The following ALK variants were observed in gnomAD, a reference collection of about 807,000 sequenced individuals.
ALK encodes the protein ALK tyrosine kinase receptor.
ALK carries 74 observed loss-of-function variants against 163.1 expected under a neutral mutation model. The ratio of observed to expected loss-of-function variants is 0.45; its 90% CI spans 0.38 to 0.55. The LOEUF (loss-of-function observed/expected upper bound fraction) is 0.55, where lower values mean the gene tolerates loss of function less well. Ranked by LOEUF, ALK falls within the 20% of genes least tolerant of loss-of-function variation. ALK has a pLI of 0.00. For synonymous variants in ALK, 960 were observed against 843.2 expected (o/e 1.14, Z -2.40); for missense variants, 2,063 against 2,105.3 (o/e 0.98, Z 0.39).
At chr2:29,633,689 A>G (rs1034736591) in intron 3 of ALK, among the ~76,000 whole-genome samples, 1 of 152,070 alleles carries the variant, frequency 6.6e-6, no homozygotes, top group Non-Finnish European at 1.5e-5. Context: ...TGACAAAGGA[A>G]AAAAAGAGAA....
At chr2:29,899,335 C>T (rs1431985893) in intron 1 of ALK, among the ~76,000 whole-genome samples, 4 of 152,198 alleles carry the variant, frequency 2.6e-5, no homozygotes, top group Non-Finnish European at 5.9e-5. Flanking sequence ...AGACCCTTGC[C>T]CCTTTTTTGC....
chr2:29,820,650 A>T (rs1401796891), intron 1 of ALK, among the ~76,000 whole-genome samples: 2 of 152,240 alleles, frequency 1.3e-5, no homozygotes, highest in African/African-American at 4.8e-5. Flanking sequence ...ATGAAGATTC[A>T]TGAGATTCTT....
rs983172885 is a variant in ALK at position 29,210,097 on chromosome 2, A to G, written c.3744-219T>C. ...GGAAAAGGATTAGGGGAAATGATTAAAAATGTTTAATGGGGCAACCATAAT... is the reference window on the plus strand; with the variant it reads ...GGAAAAGGATTAGGGGAAATGATTAGAAATGTTTAATGGGGCAACCATAAT... On this transcript the variant is annotated intron_variant, in intron 24 of 28. Coordinates refer to ENST00000389048, the MANE Select transcript of ALK (RefSeq NM_004304.5). 2.0e-5 allele frequency among the ~76,000 whole-genome samples: 3 copies of G among 152,222 alleles called. No individual in the cohort carries two copies. In the South Asian group the frequency reaches 6.2e-4, roughly 32 times the overall value.
rs2148215141 is a variant in ALK at position 29,275,195 on chromosome 2, C to A, written c.1945G>T (p.Ala649Ser). 1 of 1,614,170 alleles carries A rather than the reference C, an allele frequency of 6.2e-7. No individual in the cohort carries two copies. Among genetic ancestry groups the A allele is most frequent in the Non-Finnish European group, 8.5e-7 (1 of 1,180,036 alleles). ...SGEDKILQNTAPKSRNLFERN... is the reference protein window; with the variant it reads ...SGEDKILQNTSPKSRNLFERN... ...TCAAACAGGTTTCTTGATTTGGGTG[C>A]TGTATTCTGCAGGATCTTGTCCTCT... Residue 649 changes from alanine to serine, a missense_variant, in exon 11 of 29, where the codon GCA becomes TCA. This residue lies in a region of ALK where 987 missense variants were observed against 939.5 expected (regional missense o/e 1.05). Transcript: ENST00000389048.
intron 1 of ALK, among the ~76,000 whole-genome samples, chr2:29,771,750 G>A (rs973812507): frequency 1.3e-5 from 2 of 152,038 alleles, no homozygotes; most frequent in Non-Finnish European, 2.9e-5. Flanking sequence ...TAGCCAGGAT[G>A]GTCTCGATTG....
intron 12 of ALK, among the ~76,000 whole-genome samples, chr2:29,247,287 G>T (rs1415934105): frequency 6.6e-6 from 1 of 152,216 alleles, no homozygotes; most frequent in Non-Finnish European, 1.5e-5. Context: ...CTGGGGCAGG[G>T]CTGGATCTTC....
chr2:29,817,666 C>T (rs966204910), intron 1 of ALK, among the ~76,000 whole-genome samples: 4 of 152,186 alleles, frequency 2.6e-5, no homozygotes, highest in Admixed American at 6.5e-5. Flanking sequence ...ACCCGCCCTC[C>T]GTCCCTCCCT....
intron 3 of ALK, among the ~76,000 whole-genome samples, chr2:29,544,391 G>C (rs1209828275): frequency 6.6e-6 from 1 of 152,144 alleles, no homozygotes. Context: ...GCCTTGATAT[G>C]CCAATAAGAG....
intron 1 of ALK, among the ~76,000 whole-genome samples, chr2:29,838,607 C>A (rs1003032937): frequency 4.6e-5 from 7 of 152,090 alleles, no homozygotes; most frequent in Admixed American, 3.9e-4. Flanking sequence ...AACCACTGAT[C>A]GAGTCAACAA....
intron 23 of ALK, among the ~76,000 whole-genome samples, chr2:29,219,850 A>G (rs1669753874): frequency 6.6e-6 from 1 of 152,162 alleles, no homozygotes; most frequent in Admixed American, 6.5e-5. Context: ...GGGTATCTTC[A>G]CTTCCCAAGC....
At chr2:29,274,487 G>C (rs1442310698) in intron 11 of ALK, among the ~76,000 whole-genome samples, 2 of 152,238 alleles carry the variant, frequency 1.3e-5, no homozygotes, top group African/African-American at 2.4e-5. Context: ...TGCGGGGCTA[G>C]GTTCACAGCC....
At chr2:29,732,929 G>A (rs1386840166) in intron 1 of ALK, among the ~76,000 whole-genome samples, 1 of 151,052 alleles carries the variant, frequency 6.6e-6, no homozygotes, top group African/African-American at 2.4e-5. Context: ...AGCCTGAATA[G>A]ACTAAGGGAG....
chr2:29,911,669 C>T (rs945141772), intron 1 of ALK, among the ~76,000 whole-genome samples: 1 of 152,150 alleles, frequency 6.6e-6, no homozygotes, highest in African/African-American at 2.4e-5. Flanking sequence ...ATAACAAAGG[C>T]TTTGAGAACA....
intron 19 of ALK, chr2:29,224,482 A>T (rs1164806772): frequency 1.7e-5 from 4 of 228,814 alleles, no homozygotes; most frequent in Non-Finnish European, 3.5e-5. Flanking sequence ...AATGTGAGTG[A>T]CCATTATCAC....
chr2:29,679,973 A>C (rs1378954711), intron 3 of ALK, among the ~76,000 whole-genome samples: 1 of 151,990 alleles, frequency 6.6e-6, no homozygotes, highest in Non-Finnish European at 1.5e-5. Flanking sequence ...AAACTTGTTG[A>C]CATTTTTTCT....
At chr2:29,314,546 C>G (rs1191136375) in intron 8 of ALK, among the ~76,000 whole-genome samples, 1 of 152,102 alleles carries the variant, frequency 6.6e-6, no homozygotes, top group East Asian at 1.9e-4. Context: ...GCAACTGCAG[C>G]TCTGGCCAGG....
intron 1 of ALK, among the ~76,000 whole-genome samples, chr2:29,866,657 G>A (rs999949540): frequency 6.6e-6 from 1 of 152,228 alleles, no homozygotes; most frequent in East Asian, 1.9e-4. Flanking sequence ...GAGACTGGCA[G>A]TGACTGATGA....
At chr2:29,469,370 T>C (rs747256252) in intron 4 of ALK, among the ~76,000 whole-genome samples, 3 of 152,202 alleles carry the variant, frequency 2.0e-5, no homozygotes, top group Non-Finnish European at 4.4e-5. Context: ...ACATCAACAG[T>C]AATATCTAAC....
rs1477304809 is a variant in ALK, at chr2:29,484,980, T to A, written c.1154+46935A>T. Among the ~76,000 whole-genome samples, 3 of 152,212 alleles carry A rather than the reference T, an allele frequency of 2.0e-5. No homozygotes were observed. In the East Asian group the frequency reaches 5.8e-4, roughly 29 times the overall value. On this transcript the variant is annotated intron_variant, in intron 4 of 28. Coordinates refer to ENST00000389048, the MANE Select transcript of ALK (RefSeq NM_004304.5). The stretch of plus-strand genomic sequence containing the variant: ...TAGTGTTTTTTTTCTTTACTTTTGA[T>A]AATCTAAAGTTTCACTATAATTTGT...
Sources: gnomAD v4.1 joint callset for allele counts (sites outside exome capture counted in the v4.1 genomes callset) on GRCh38, gnomAD v4.1.1 for gene constraint, gnomAD v4.1.1 regional missense constraint, MANE v1.5 for transcripts, NCBI Gene and HGNC (gene_info 2026-07-23, HGNC 2026-07-21) for gene names.